CYP2J2: variants seen among roughly 807,000 people sequenced by gnomAD.
CYP2J2 encodes the protein cytochrome P450 family 2 subfamily J member 2.
CYP2J2 carries 41 observed loss-of-function variants against 48.8 expected under a neutral mutation model. The ratio of observed to expected loss-of-function variants is 0.84; its 90% CI spans 0.66 to 1.09. CYP2J2 has a LOEUF of 1.09. Ranked by LOEUF, CYP2J2 falls within the 50% of genes least tolerant of loss-of-function variation. CYP2J2 has a pLI of 0.00. For synonymous variants in CYP2J2, 221 were observed against 227.1 expected (o/e 0.97, Z 0.24); for missense variants, 644 against 617.3 (o/e 1.04, Z -0.46).
At chr1:59,968,075 G>C in the CYP2J2 span, among the ~76,000 whole-genome samples, 1 of 151,988 alleles carries the variant, frequency 6.6e-6, no homozygotes, top group Non-Finnish European at 1.5e-5. Flanking sequence ...TTGTGCACGG[G>C]GATCTCCAGC....
intron 4 of CYP2J2, among the ~76,000 whole-genome samples, chr1:59,910,824 A>C (rs1377697565): frequency 6.6e-6 from 1 of 152,146 alleles, no homozygotes; most frequent in Non-Finnish European, 1.5e-5. Context: ...CAAGAAACCG[A>C]GCAGAGTTTT....
the CYP2J2 span, among the ~76,000 whole-genome samples, chr1:59,949,809 T>A: frequency 6.6e-6 from 1 of 152,026 alleles, no homozygotes; most frequent in South Asian, 2.1e-4. Flanking sequence ...GCCAGGGATT[T>A]TTTTTTTTAA....
chr1:59,968,033 A>G, the CYP2J2 span, among the ~76,000 whole-genome samples: 2 of 152,294 alleles, frequency 1.3e-5, no homozygotes, highest in South Asian at 4.1e-4. Flanking sequence ...CTTCCAGACA[A>G]GAGGAAGGTA....
At chr1:59,897,444 T>G (rs781505003) in intron 8 of CYP2J2, among the ~76,000 whole-genome samples, 1 of 152,224 alleles carries the variant, frequency 6.6e-6, no homozygotes, top group Non-Finnish European at 1.5e-5. Context: ...CCCAATGCAA[T>G]GGCAGATATG....
the CYP2J2 span, among the ~76,000 whole-genome samples, chr1:59,952,769 A>G: frequency 6.6e-6 from 1 of 152,220 alleles, no homozygotes; most frequent in African/African-American, 2.4e-5. Context: ...GTTGAGTCCT[A>G]CTGTGCACCA....
chr1:59,953,677 G>A, the CYP2J2 span, among the ~76,000 whole-genome samples: 2 of 152,230 alleles, frequency 1.3e-5, no homozygotes, highest in East Asian at 3.9e-4. Context: ...GAGGCAGTAG[G>A]CCACGTGAGG....
At chr1:59,915,158 CT>C (rs1228999170) in intron 2 of CYP2J2, among the ~76,000 whole-genome samples, 5 of 152,204 alleles carry the variant, frequency 3.3e-5, no homozygotes, top group Admixed American at 2.6e-4. Flanking sequence ...TGCCGCATTC[CT>C]CCTGCTGAGA....
intron 1 of CYP2J2, among the ~76,000 whole-genome samples, chr1:59,923,984 C>A (rs1433514474): frequency 1.3e-5 from 2 of 152,042 alleles, no homozygotes; most frequent in Non-Finnish European, 2.9e-5. Context: ...GAAAGTAGCA[C>A]CAAGATCTAT....
In CYP2J2 at chr1:59,912,214, T is replaced by C. The variant is rs1233897720; in HGVS notation, c.471A>G (p.Glu157=). Residue 157 remains glutamate (E), a synonymous_variant, in exon 3 of 9, where the codon GAA becomes GAG. Transcript: ENST00000371204. The part of the protein sequence containing the change: ...NFGLGKKSLE[E]RIQEEAQHLT... ...GGTGTTGGGCCTCCTCCTGAATGCG[T>C]TCCTCTAAGCTCTTCTTTCCTAAAC... 3 of 1,613,822 alleles carry C rather than the reference T, an allele frequency of 1.9e-6. No homozygotes were observed. Among genetic ancestry groups the C allele is most frequent in the African/African-American group, 2.7e-5 (2 of 74,912 alleles).
At chr1:59,907,989 A>T in intron 5 of CYP2J2, 62 bp from the exon 6 acceptor site, 1 of 1,532,126 alleles carries the variant, frequency 6.5e-7, no homozygotes, top group East Asian at 2.3e-5. Flanking sequence ...GATTGCCGTA[A>T]CACAAAGGGG....
chr1:59,937,657 C>T, the CYP2J2 span, among the ~76,000 whole-genome samples: 2 of 152,102 alleles, frequency 1.3e-5, no homozygotes, highest in South Asian at 4.2e-4. Flanking sequence ...AAGTTTCTAC[C>T]CCTATCTCTT....
At chr1:59,932,517 G>T in the CYP2J2 span, among the ~76,000 whole-genome samples, 1 of 151,976 alleles carries the variant, frequency 6.6e-6, no homozygotes, top group Admixed American at 6.6e-5. Flanking sequence ...AAAAAGTGAA[G>T]AAGTAGTAAA....
chr1:59,915,562 A>C (rs1320721074), intron 2 of CYP2J2, among the ~76,000 whole-genome samples: 1 of 152,242 alleles, frequency 6.6e-6, no homozygotes, highest in Non-Finnish European at 1.5e-5. Context: ...AAATAGAGAC[A>C]GGAAGAAGCA....
chr1:59,900,549 G>A (rs1459456589), intron 8 of CYP2J2, among the ~76,000 whole-genome samples: 2 of 152,126 alleles, frequency 1.3e-5, no homozygotes, highest in African/African-American at 2.4e-5. Context: ...CAGGAGAATC[G>A]CTTGAACCTG....
chr1:59,897,742 A>C (rs749507483), intron 8 of CYP2J2, among the ~76,000 whole-genome samples: 3 of 151,802 alleles, frequency 2.0e-5, no homozygotes, highest in Non-Finnish European at 4.4e-5. Context: ...GAAGAATTTA[A>C]ATGAGGAAAA....
At chr1:59,898,305 C>T (rs1644287069) in intron 8 of CYP2J2, among the ~76,000 whole-genome samples, 1 of 152,198 alleles carries the variant, frequency 6.6e-6, no homozygotes, top group South Asian at 2.1e-4. Flanking sequence ...TGCTTCCATT[C>T]TCCCTCTTTT....
chr1:59,953,988 T>A, the CYP2J2 span, among the ~76,000 whole-genome samples: 1 of 152,122 alleles, frequency 6.6e-6, no homozygotes, highest in South Asian at 2.1e-4. Context: ...GGTCACATGG[T>A]AGGATTACAC....
chr1:59,955,400 A>C, the CYP2J2 span, among the ~76,000 whole-genome samples: 3 of 151,630 alleles, frequency 2.0e-5, no homozygotes, highest in Non-Finnish European at 2.9e-5. Flanking sequence ...GGATGGCCCT[A>C]GAAATTAATC....
At chr1:59,959,427 A>G in the CYP2J2 span, among the ~76,000 whole-genome samples, 1 of 152,170 alleles carries the variant, frequency 6.6e-6, no homozygotes, top group Non-Finnish European at 1.5e-5. Context: ...CCAGAAAAAA[A>G]GAAGTCATTA....
Sources: allele counts gnomAD v4.1 joint callset (sites outside exome capture counted in the v4.1 genomes callset), GRCh38; gene constraint gnomAD v4.1.1; transcripts MANE v1.5; gene names NCBI Gene and HGNC (gene_info 2026-07-23, HGNC 2026-07-21).